Variants in NRCAM observed in about 807,000 individuals in gnomAD.
The protein encoded by NRCAM is NgCAM-related cell adhesion molecule.
Under a neutral mutation model 156.5 loss-of-function variants are expected in NRCAM, and 83 were observed. That is an observed-to-expected ratio of 0.53 (90% CI 0.44 to 0.64). The LOEUF (loss-of-function observed/expected upper bound fraction) is 0.64. Ranked by LOEUF, NRCAM falls within the 30% of genes least tolerant of loss-of-function variation. The probability of loss-of-function intolerance (pLI) is 0.00; values close to 1 mark genes in which losing one functional copy is unlikely to be tolerated. For missense variants in NRCAM, 1,417 were observed against 1,597.3 expected (o/e 0.89, Z 1.92); for synonymous variants, 538 against 563.9 (o/e 0.95, Z 0.65).
At chr7:108,237,374 C>T (rs1460336824) in intron 5 of NRCAM, among the ~76,000 whole-genome samples, 1 of 152,152 alleles carries the variant, frequency 6.6e-6, no homozygotes, top group Non-Finnish European at 1.5e-5. Flanking sequence ...TGCCTGCACC[C>T]ACCTTCTAAA....
chr7:108,260,713 A>G (rs1226778184), intron 3 of NRCAM, among the ~76,000 whole-genome samples: 2 of 152,148 alleles, frequency 1.3e-5, no homozygotes, highest in Non-Finnish European at 2.9e-5. Flanking sequence ...TGAGAGGGGT[A>G]CTGGTGTGAA....
At chr7:108,317,292 T>C (rs935280224) in intron 2 of NRCAM, among the ~76,000 whole-genome samples, 1 of 152,242 alleles carries the variant, frequency 6.6e-6, no homozygotes, top group Non-Finnish European at 1.5e-5. Context: ...AAATGAAATA[T>C]TGTTCTCACT....
At chr7:108,386,845 T>C (rs1309036243) in intron 2 of NRCAM, among the ~76,000 whole-genome samples, 1 of 152,200 alleles carries the variant, frequency 6.6e-6, no homozygotes, top group African/African-American at 2.4e-5. Context: ...GTATCATTTC[T>C]GAAATCACAG....
intron 2 of NRCAM, among the ~76,000 whole-genome samples, chr7:108,383,134 G>GCT (rs879632628): frequency 0.015 from 1,145 of 78,210 alleles, 17 homozygotes; most frequent in African/African-American, 0.042. Context: ...ACACACACAC[G>GCT]CTCTCACACA....
intron 1 of NRCAM, among the ~76,000 whole-genome samples, chr7:108,423,875 T>C (rs1813549805): frequency 1.3e-5 from 2 of 152,238 alleles, no homozygotes; most frequent in African/African-American, 4.8e-5. Flanking sequence ...TGACATATGC[T>C]GACGTCAGAG....
At chr7:108,182,379 G>T (rs1019313562) in intron 23 of NRCAM, among the ~76,000 whole-genome samples, 1 of 152,110 alleles carries the variant, frequency 6.6e-6, no homozygotes, top group Admixed American at 6.5e-5. Flanking sequence ...CAAAACCCAC[G>T]GACATGGAGG....
intron 3 of NRCAM, among the ~76,000 whole-genome samples, chr7:108,270,357 T>A (rs907308454): frequency 1.3e-5 from 2 of 152,222 alleles, no homozygotes; most frequent in Admixed American, 6.5e-5. Context: ...CCCTTCAAGG[T>A]TCCCTTCTTG....
chr7:108,203,766 G>A (rs1029612934), intron 13 of NRCAM, among the ~76,000 whole-genome samples: 1 of 152,200 alleles, frequency 6.6e-6, no homozygotes, highest in African/African-American at 2.4e-5. Flanking sequence ...CCTGACAACA[G>A]TAGTTCAGAA....
At chr7:108,281,622 G>A (rs2097860997) in intron 3 of NRCAM, among the ~76,000 whole-genome samples, 1 of 152,198 alleles carries the variant, frequency 6.6e-6, no homozygotes, top group Admixed American at 6.5e-5. Flanking sequence ...TTATACACTT[G>A]GACCCACCAG....
intron 30 of NRCAM, among the ~76,000 whole-genome samples, chr7:108,165,224 T>C (rs111733527): frequency 6.6e-6 from 1 of 152,270 alleles, no homozygotes; most frequent in African/African-American, 2.4e-5. Context: ...CTGTGGACCT[T>C]TGTGACCCTG....
intron 2 of NRCAM, among the ~76,000 whole-genome samples, chr7:108,329,383 T>C (rs1296277032): frequency 6.6e-6 from 1 of 152,208 alleles, no homozygotes; most frequent in Non-Finnish European, 1.5e-5. Context: ...TAGGACCTCA[T>C]TGTTGAGGCC....
At chr7:108,250,425 C>CAAAAAAAA (rs34274206) in intron 3 of NRCAM, among the ~76,000 whole-genome samples, 55 of 67,360 alleles carry the variant, frequency 8.2e-4, no homozygotes, top group South Asian at 2.3e-3. Flanking sequence ...CATCTTACCT[C>CAAAAAAAA]AAAAAAAAAA....
chr7:108,247,468 T>G (rs2096021300), intron 3 of NRCAM, among the ~76,000 whole-genome samples: 1 of 151,662 alleles, frequency 6.6e-6, no homozygotes, highest in Admixed American at 6.6e-5. Flanking sequence ...TATATGTTGG[T>G]GCAGCCAAAG....
chr7:108,367,121 C>A (rs997739482), intron 2 of NRCAM, among the ~76,000 whole-genome samples: 2 of 152,130 alleles, frequency 1.3e-5, no homozygotes, highest in Non-Finnish European at 1.5e-5. Context: ...AAGTGACTTT[C>A]TCAACTAATT....
At chr7:108,445,189 C>T (rs191349504) in intron 1 of NRCAM, among the ~76,000 whole-genome samples, 177 of 152,252 alleles carry the variant, frequency 1.2e-3, no homozygotes, top group Admixed American at 5.7e-3. Flanking sequence ...AAATAAAATA[C>T]AATTAGATTT....
intron 1 of NRCAM, among the ~76,000 whole-genome samples, chr7:108,438,806 A>C (rs1835189946): frequency 6.6e-6 from 1 of 152,184 alleles, no homozygotes; most frequent in Non-Finnish European, 1.5e-5. Flanking sequence ...ACAGGATGTA[A>C]GGTCAATTTT....
intron 32 of NRCAM, among the ~76,000 whole-genome samples, chr7:108,157,286 T>C (rs2046079908): frequency 6.6e-6 from 1 of 152,122 alleles, no homozygotes; most frequent in South Asian, 2.1e-4. Context: ...AACTAAGGCC[T>C]AAAGACAGCT....
At chr7:108,208,955 T>C (rs892333777) in intron 12 of NRCAM, among the ~76,000 whole-genome samples, 9 of 152,188 alleles carry the variant, frequency 5.9e-5, no homozygotes, top group African/African-American at 1.9e-4. Context: ...GTGTCCAGCA[T>C]ACACTCAAGA....
chr7:108,234,706 A>G lies in NRCAM; in HGVS notation c.125-18T>C. On this transcript the variant is annotated intron_variant, in intron 5 of 32. Transcript: ENST00000379028. ...CTGTACCACTTAATTGTAGAAAAAA[A>G]AAAATGTAAAAAAACAAATTATTTA... 1.3e-6 allele frequency: 2 copies of G among 1,500,814 alleles called. No homozygotes were observed. The highest frequency in any genetic ancestry group is 4.5e-5 in the East Asian group (2 of 44,334). 93.0% of individuals were successfully genotyped at this position (1,500,814 alleles called of 1,614,324 possible).
Sources: gnomAD v4.1 joint callset for allele counts (sites outside exome capture counted in the v4.1 genomes callset) on GRCh38, gnomAD v4.1.1 for gene constraint, MANE v1.5 for transcripts, NCBI Gene and HGNC (gene_info 2026-07-23, HGNC 2026-07-21) for gene names.